MAGI2: variants seen among roughly 807,000 people sequenced by gnomAD.
MAGI2 encodes membrane-associated guanylate kinase, WW and PDZ domain-containing protein 2.
Under a neutral mutation model 133.3 loss-of-function variants are expected in MAGI2, and 35 were observed. That is an observed-to-expected ratio of 0.26 (90% CI 0.20 to 0.35). MAGI2 has a LOEUF of 0.35. Among genes scored for constraint, MAGI2 ranks in the 10% least tolerant of loss-of-function variants. The pLI is 1.00. For synonymous variants in MAGI2, 729 were observed against 710.6 expected, an observed-to-expected ratio of 1.03 and a Z score of -0.41; for missense variants, 1,636 against 1,863.4, an observed-to-expected ratio of 0.88 and a Z score of 2.25.
rs565380644 is a variant in MAGI2 at position 78,764,966 on chromosome 7, A to T, written c.419-137727T>A. Among the ~76,000 whole-genome samples the T allele has an allele frequency of 1.1e-4, 16 of 152,342 alleles. No homozygotes were observed. In the South Asian group the frequency reaches 3.3e-3, roughly 32 times the overall value. On this transcript the variant is annotated intron_variant, in intron 2 of 21. Coordinates refer to ENST00000354212, the MANE Select transcript of MAGI2 (RefSeq NM_012301.4). The stretch of plus-strand genomic sequence containing the variant: ...TCGGATGAGACCTAGAAGGGCCTGG[A>T]TGCAAAGAACTAAAGGATGATCAGA...
chr7:78,263,646 G>A (rs1793725796), intron 9 of MAGI2, among the ~76,000 whole-genome samples: 1 of 152,080 alleles, frequency 6.6e-6, no homozygotes, highest in African/African-American at 2.4e-5. Flanking sequence ...GGTGTGAATA[G>A]TCTTCATATT....
intron 1 of MAGI2, among the ~76,000 whole-genome samples, chr7:79,089,818 G>A (rs925229860): frequency 1.3e-5 from 2 of 152,000 alleles, no homozygotes; most frequent in African/African-American, 4.8e-5. Context: ...ACAGGGAAGG[G>A]AACATCACAC....
chr7:79,257,349 T>C (rs558345355), intron 1 of MAGI2, among the ~76,000 whole-genome samples: 2 of 152,282 alleles, frequency 1.3e-5, no homozygotes, highest in South Asian at 4.1e-4. Context: ...GATATTACTT[T>C]AACAAACAAT....
chr7:78,396,835 CAG>C (rs1796389161), intron 6 of MAGI2, among the ~76,000 whole-genome samples: 2 of 152,050 alleles, frequency 1.3e-5, no homozygotes, highest in South Asian at 2.1e-4. Flanking sequence ...AAGAAAAGAA[CAG>C]AGAGAGAAAT....
At chr7:78,619,049 A>G (rs1220252160) in intron 3 of MAGI2, 2 of 149,314 alleles carry the variant, frequency 1.3e-5, no homozygotes, top group Non-Finnish European at 3.0e-5. Context: ...AAATGTTCTC[A>G]TCATGAAGAA....
At chr7:78,168,158 CTTTTTTTT>C (rs113437537) in intron 14 of MAGI2, 50 bp from the exon 15 acceptor site, 7 of 1,277,100 alleles carry the variant, frequency 5.5e-6, no homozygotes, top group Non-Finnish European at 7.5e-6. Flanking sequence ...ATCCTTTTTC[CTTTTTTTT>C]TTTTTTCGAA....
At chr7:79,422,047 A>C (rs1002950273) in intron 1 of MAGI2, among the ~76,000 whole-genome samples, 2 of 152,022 alleles carry the variant, frequency 1.3e-5, no homozygotes, top group Admixed American at 1.3e-4. Flanking sequence ...GCAGCATCTG[A>C]AGAATGATAT....
intron 2 of MAGI2, among the ~76,000 whole-genome samples, chr7:78,837,292 C>T (rs1316077343): frequency 2.0e-5 from 3 of 152,072 alleles, no homozygotes; most frequent in Non-Finnish European, 4.4e-5. Flanking sequence ...TCAAAGAAGT[C>T]GTCTTTAAGC....
rs552098966 is a variant in MAGI2 at position 79,339,121 on chromosome 7, G to A, written c.301+113899C>T. Among the ~76,000 whole-genome samples, 13 of 152,150 alleles carry A rather than the reference G, an allele frequency of 8.5e-5. No homozygotes were observed. The East Asian group carries it at 2.5e-3, about 29-fold the overall frequency. On this transcript the variant is annotated intron_variant, in intron 1 of 21. Transcript: ENST00000354212. ...TGTTTTGCCGTAAGTTATTTTAAGA[G>A]TATCTTCTTGGGAGAAAAAAATATA...
At chr7:78,440,692 C>G (rs1467760179) in intron 6 of MAGI2, among the ~76,000 whole-genome samples, 1 of 152,048 alleles carries the variant, frequency 6.6e-6, no homozygotes, top group Non-Finnish European at 1.5e-5. Flanking sequence ...TGGCTCATAC[C>G]AGTAATCCCA....
chr7:78,917,100 G>A (rs181048858), intron 2 of MAGI2, among the ~76,000 whole-genome samples: 12 of 152,124 alleles, frequency 7.9e-5, no homozygotes, highest in East Asian at 3.9e-4. Context: ...GTTACACACC[G>A]CTATTCAAGA....
At chr7:79,092,912 T>A (rs1210595609) in intron 1 of MAGI2, among the ~76,000 whole-genome samples, 3 of 152,182 alleles carry the variant, frequency 2.0e-5, no homozygotes, top group Non-Finnish European at 4.4e-5. Context: ...GTATCAAGTG[T>A]GACCCACAAT....
At chr7:78,283,712 G>C (rs988576174) in intron 9 of MAGI2, among the ~76,000 whole-genome samples, 1 of 152,038 alleles carries the variant, frequency 6.6e-6, no homozygotes, top group Non-Finnish European at 1.5e-5. Context: ...TCAGGTAACT[G>C]ATAAAGTAAT....
intron 9 of MAGI2, among the ~76,000 whole-genome samples, chr7:78,281,686 TATTA>T (rs1365880742): frequency 3.3e-5 from 5 of 152,182 alleles, no homozygotes; most frequent in African/African-American, 1.2e-4. Context: ...AGCATAGTGA[TATTA>T]ATTCATTTGT....
At chr7:78,701,375 G>C (rs968456063) in intron 2 of MAGI2, among the ~76,000 whole-genome samples, 8 of 151,872 alleles carry the variant, frequency 5.3e-5, no homozygotes, top group African/African-American at 1.9e-4. Flanking sequence ...ATATTGTTTT[G>C]TTCAAAATGT....
chr7:79,171,507 A>G (rs2129548654), intron 1 of MAGI2, among the ~76,000 whole-genome samples: 1 of 151,806 alleles, frequency 6.6e-6, no homozygotes, highest in East Asian at 2.0e-4. Context: ...ATTCCTAAGA[A>G]AAGATAATTG....
intron 21 of MAGI2, among the ~76,000 whole-genome samples, chr7:78,049,979 C>T (rs1811847699): frequency 6.6e-6 from 1 of 152,156 alleles, no homozygotes; most frequent in Non-Finnish European, 1.5e-5. Context: ...ATCTTATGGT[C>T]CTTTGGCCTA....
At chr7:78,144,935 T>C (rs902134883) in intron 16 of MAGI2, among the ~76,000 whole-genome samples, 1 of 152,038 alleles carries the variant, frequency 6.6e-6, no homozygotes, top group African/African-American at 2.4e-5. Flanking sequence ...CCTGTGTCCG[T>C]GTGTTCTCAT....
chr7:79,125,888 A>T, intron 1 of MAGI2: 1 of 434,988 alleles, frequency 2.3e-6, no homozygotes. Flanking sequence ...ACAGGTTACA[A>T]AGGATTTATG....
Sources: allele counts gnomAD v4.1 joint callset (sites outside exome capture counted in the v4.1 genomes callset), GRCh38; gene constraint gnomAD v4.1.1; transcripts MANE v1.5; gene names NCBI Gene and HGNC (gene_info 2026-07-23, HGNC 2026-07-21).